The following ATP4B variants were observed in gnomAD, a reference collection of about 807,000 sequenced individuals.
The protein encoded by ATP4B is ATPase H+/K+ transporting subunit beta.
A neutral mutation model predicts 35.3 loss-of-function variants in ATP4B; 27 were observed. The ratio of observed to expected loss-of-function variants is 0.76; its 90% CI spans 0.56 to 1.05. The LOEUF is 1.05. Ranked by LOEUF, ATP4B falls within the 50% of genes least tolerant of loss-of-function variation. The pLI is 0.00. For synonymous variants in ATP4B, 162 were observed against 156.0 expected, an observed-to-expected ratio of 1.04 and a Z score of -0.29; for missense variants, 375 against 384.8, an observed-to-expected ratio of 0.97 and a Z score of 0.21.
At chr13:113,653,206 C>T (rs2049726683) in intron 3 of ATP4B, 115 bp downstream of exon 3, 4 of 1,391,362 alleles carry the variant, frequency 2.9e-6, no homozygotes, top group Admixed American at 4.0e-5. Context: ...AGCCGTTTCA[C>T]ACCTCACCTG....
rs760485986 is a variant in ATP4B at position 113,650,456 on chromosome 13, T to A, written c.664A>T (p.Asn222Tyr). ...AAGTAGTGCAGACTGAAGGTGCCGTTGGGAGGGTAGTACTTGACCTGCAGC... is the reference window on the plus strand; with the variant it reads ...AAGTAGTGCAGACTGAAGGTGCCGTAGGGAGGGTAGTACTTGACCTGCAGC... ...QPLQVKYYPPNGTFSLHYFPY... is the reference protein window; with the variant it reads ...QPLQVKYYPPYGTFSLHYFPY... The change falls in exon 6 of 7, where the codon AAC becomes TAC. Residue 222 changes from asparagine (N) to tyrosine (Y), a missense_variant. Transcript: ENST00000335288. This position sits in a 1 kb window ranked among gnomAD's most constrained non-coding sequence, Gnocchi z 5.0. The A allele has an allele frequency of 3.1e-6, 5 of 1,613,850 alleles. No individual in the cohort carries two copies. Among genetic ancestry groups the A allele is most frequent in the Non-Finnish European group, 4.2e-6 (5 of 1,179,914 alleles).
chr13:113,657,370 G>C (rs1180065655), intron 1 of ATP4B, among the ~76,000 whole-genome samples: 1 of 152,236 alleles, frequency 6.6e-6, no homozygotes, highest in African/African-American at 2.4e-5. Context: ...TAAGGGGTGA[G>C]GGCGTTTCCC....
Position 113,652,867 on chromosome 13 carries a change from A to G in ATP4B, c.555+6T>C, listed in dbSNP as rs1469890012. The G allele has an allele frequency of 1.2e-6, 2 of 1,613,762 alleles. No individual in the cohort carries two copies. Among genetic ancestry groups the G allele is most frequent in the Non-Finnish European group, 1.7e-6 (2 of 1,179,910 alleles). ...GTGGCGTGTGAAGGAGACCCTCAGTACTCACCCTGTTCATTTTAATAATAA... is the reference window on the plus strand; with the variant it reads ...GTGGCGTGTGAAGGAGACCCTCAGTGCTCACCCTGTTCATTTTAATAATAA... On this transcript the variant is annotated splice_donor_region_variant and intron_variant, in intron 4 of 6. Coordinates refer to ENST00000335288, the MANE Select transcript of ATP4B (RefSeq NM_000705.4).
Position 113,649,608 on chromosome 13 carries a change from A to G in ATP4B, c.715-73T>C, listed in dbSNP as rs2049696501. The G allele has an allele frequency of 7.0e-7, 1 of 1,427,038 alleles. No homozygotes were observed. Among genetic ancestry groups the G allele is most frequent in the Non-Finnish European group, 9.3e-7 (1 of 1,080,738 alleles). The allele number at this position is 1,427,038 out of a possible 1,614,324, so 88.4% of individuals were successfully genotyped here. A position where few individuals can be genotyped will look rare whatever the true frequency, so the allele number is the denominator to read the frequency against. On this transcript the variant is annotated intron_variant, in intron 6 of 6. Transcript: ENST00000335288. This position sits in a 1 kb window ranked among gnomAD's most constrained non-coding sequence, Gnocchi z 4.7. ...TTAAGGAGAGAAAACTAAGCAAGGA[A>G]GTGTCAACAGTCAGGTTGGTGCAGA...
intron 3 of ATP4B, 60 bp from the exon 4 acceptor site, chr13:113,653,132 C>T (rs573607268): frequency 1.6e-4 from 246 of 1,558,700 alleles, no homozygotes; most frequent in Admixed American, 4.7e-4. Flanking sequence ...TGGCTGCCCC[C>T]CGGGAAGGCC....
rs2049724835 is a variant in ATP4B at position 113,653,056 on chromosome 13, G to A, written c.372C>T (p.Ala124=). ...HAFLAGYSPA[A]QEDSINCTSE... ...AGGTGCAGTTGATGCTGTCCTCCTGGGCTGCTGGAGAGTAGCCTGCAGACG... is the reference window on the plus strand; with the variant it reads ...AGGTGCAGTTGATGCTGTCCTCCTGAGCTGCTGGAGAGTAGCCTGCAGACG... Residue 124 remains alanine (A), a synonymous_variant, in exon 4 of 7, where the codon GCC becomes GCT. Transcript: ENST00000335288. The A allele has an allele frequency of 6.2e-7, 1 of 1,610,802 alleles. No homozygotes were observed. Among genetic ancestry groups the A allele is most frequent in the Non-Finnish European group, 8.5e-7 (1 of 1,177,414 alleles).
chr13:113,657,703 G>T lies in ATP4B; in HGVS notation c.112+330C>A, dbSNP rs373168692. Among the ~76,000 whole-genome samples the T allele has an allele frequency of 2.0e-5, 3 of 152,238 alleles. No individual in the cohort carries two copies. The South Asian group carries it at 6.2e-4, about 32-fold the overall frequency. On this transcript the variant is annotated intron_variant, in intron 1 of 6. Transcript: ENST00000335288. ...AGGAATCACCGTTGCCACCTTTCAC[G>T]TTATTTTCAAAATGATTCACTTTAG...
rs1566689342 is a variant in ATP4B, at chr13:113,654,918, G to C, written c.137C>G (p.Ala46Gly). ...RWVWISLYYV[A>G]FYVVMTGLFA... is the part of the protein sequence containing the mutation. The stretch of plus-strand genomic sequence containing the variant: ...GAGCCCAGTCATCACCACGTAGAAG[G>C]CCACGTAGTACAGGCTGATCCACAC... The change falls in exon 2 of 7, where the codon GCC (alanine) becomes GGC (glycine). Residue 46 changes from alanine (A) to glycine (G), a missense_variant. Physicochemically the swap from Ala to Gly is moderately conservative, Grantham distance 60. Transcript: ENST00000335288. 4 of 1,614,198 alleles carry C rather than the reference G, an allele frequency of 2.5e-6. No homozygotes were observed. In the South Asian group the frequency reaches 3.3e-5, roughly 13 times the overall value.
At position 113,649,287 on chromosome 13, in the gene ATP4B, A is replaced by G; in HGVS notation, c.*87T>C. The G allele has an allele frequency of 2.7e-6, 4 of 1,465,228 alleles. No individual in the cohort carries two copies. The highest frequency in any genetic ancestry group is 3.7e-6 in the Non-Finnish European group (4 of 1,091,654). 90.8% of individuals were successfully genotyped at this position (1,465,228 alleles called of 1,614,324 possible). A position where few individuals can be genotyped will look rare whatever the true frequency, so the allele number is the denominator to read the frequency against. ...CAAACCACTTTGGGGATGATTTGGC[A>G]GGGAACTGACGGGCAAGGTAAGCCC... On this transcript the variant is annotated 3_prime_UTR_variant, in exon 7 of 7. Coordinates refer to ENST00000335288, the MANE Select transcript of ATP4B (RefSeq NM_000705.4). This position sits in a 1 kb window ranked among gnomAD's most constrained non-coding sequence, Gnocchi z 4.7.
At chr13:113,657,298 C>G (rs1368717444) in intron 1 of ATP4B, among the ~76,000 whole-genome samples, 2 of 152,224 alleles carry the variant, frequency 1.3e-5, no homozygotes, top group African/African-American at 4.8e-5. Flanking sequence ...CAGCCGCATC[C>G]CGACGCCCAG....
In ATP4B at chr13:113,649,659, G is replaced by T; in HGVS notation, c.715-124C>A. 2 of 1,140,994 alleles carry T rather than the reference G, an allele frequency of 1.8e-6. No homozygotes were observed. Among genetic ancestry groups the T allele is most frequent in the East Asian group, 3.0e-5 (1 of 33,778 alleles). 70.7% of individuals were successfully genotyped at this position (1,140,994 alleles called of 1,614,324 possible). A position where few individuals can be genotyped will look rare whatever the true frequency, so the allele number is the denominator to read the frequency against. ...GAAGCAGCTCTTTTGTGTAAGACTG[G>T]CCCTGACCGAGTGCATGCCCTGGAA... On this transcript the variant is annotated intron_variant, in intron 6 of 6. Transcript: ENST00000335288. The surrounding 1 kb of genome is among the most constrained non-coding windows in gnomAD (Gnocchi z 4.7).
At position 113,650,376 on chromosome 13, in the gene ATP4B, G is replaced by T. The variant is rs1440080995; in HGVS notation, c.714+30C>A. On this transcript the variant is annotated intron_variant, in intron 6 of 6. Transcript: ENST00000335288. This position sits in a 1 kb window ranked among gnomAD's most constrained non-coding sequence, Gnocchi z 5.0. ...AGTGTGAGAGGACTCAGCAGCTGTG[G>T]TGAGGGAAGCGTGGAAGGAAGGAAC... 1.3e-6 allele frequency: 2 copies of T among 1,591,268 alleles called. No homozygotes were observed. The highest frequency in any genetic ancestry group is 1.7e-6 in the Non-Finnish European group (2 of 1,159,564).
At chr13:113,653,211 C>G (rs1348621562) in intron 3 of ATP4B, 110 bp downstream of exon 3, 2 of 1,386,050 alleles carry the variant, frequency 1.4e-6, no homozygotes, top group Non-Finnish European at 2.0e-6. Flanking sequence ...TTTCACACCT[C>G]ACCTGCTGCT....
Position 113,649,053 on chromosome 13 carries a change from G to C in ATP4B, c.*321C>G, listed in dbSNP as rs577646030. ...TAGAAAAATAAATTATAGTAAGAAA[G>C]TGATGTCTACATAGAAGACGAATCG... On this transcript the variant is annotated 3_prime_UTR_variant, in exon 7 of 7. Transcript: ENST00000335288. This position sits in a 1 kb window ranked among gnomAD's most constrained non-coding sequence, Gnocchi z 4.7. 1.1e-5 allele frequency: 2 copies of C among 188,810 alleles called. No homozygotes were observed. Among genetic ancestry groups the C allele is most frequent in the African/African-American group, 4.7e-5 (2 of 42,264 alleles). The allele number at this position is 188,810 out of a possible 1,614,324, so 11.7% of individuals were successfully genotyped here.
intron 1 of ATP4B, among the ~76,000 whole-genome samples, chr13:113,657,474 C>T (rs975248142): frequency 6.6e-6 from 1 of 152,362 alleles, no homozygotes; most frequent in Admixed American, 6.5e-5. Flanking sequence ...CCAGGAGGGC[C>T]AGGCTGCCCG....
At position 113,653,377 on chromosome 13, in the gene ATP4B, A is replaced by G. The variant is rs188356364; in HGVS notation, c.299T>C (p.Val100Ala). The change falls in exon 3 of 7, where the codon GTC becomes GCC. Residue 100 changes from valine (V) to alanine (A), a missense_variant. By Grantham distance (64) the Val-to-Ala change is moderately conservative. Transcript: ENST00000335288. ...GTCTGCCCAGGTTCTGTTATCAGAG[A>G]CGTTGTAGACAATTTCCAGGCCTTT... ...GEKGLEIVYN[V>A]SDNRTWADLT... The G allele has an allele frequency of 3.1e-6, 5 of 1,614,196 alleles. No individual in the cohort carries two copies. The highest frequency in any genetic ancestry group is 3.3e-5 in the Admixed American group (2 of 60,022).
chr13:113,655,698 C>T (rs986006208), intron 1 of ATP4B, among the ~76,000 whole-genome samples: 6 of 152,148 alleles, frequency 3.9e-5, no homozygotes, highest in South Asian at 2.1e-4. Flanking sequence ...AGGAAGAGGA[C>T]GGTTTTGTGT....
rs1370274970 is a variant in ATP4B, at chr13:113,650,566, G to A, written c.613-59C>T. On this transcript the variant is annotated intron_variant, in intron 5 of 6. Coordinates refer to ENST00000335288, the MANE Select transcript of ATP4B (RefSeq NM_000705.4). This position sits in a 1 kb window ranked among gnomAD's most constrained non-coding sequence, Gnocchi z 5.0. Reference sequence around the variant, plus strand: ...GGAGCTGGTGTGTGCCGGTGTCTGTGTGTTGCGTTTGTGTGCGTGTGTGCA... The same window carrying A: ...GGAGCTGGTGTGTGCCGGTGTCTGTATGTTGCGTTTGTGTGCGTGTGTGCA... 9.0e-6 allele frequency: 13 copies of A among 1,436,690 alleles called. No homozygotes were observed. The East Asian group carries it at 1.1e-4, about 13-fold the overall frequency. 89.0% of individuals were successfully genotyped at this position (1,436,690 alleles called of 1,614,324 possible).
chr13:113,652,671 C>CT, intron 4 of ATP4B: 1 of 688,314 alleles, frequency 1.5e-6, no homozygotes, highest in South Asian at 1.5e-5. Context: ...GTGCTGGTGT[C>CT]TGACGAGTGG....
Sources: gnomAD v4.1 joint callset for allele counts (sites outside exome capture counted in the v4.1 genomes callset) on GRCh38, gnomAD v4.1.1 for gene constraint, Gnocchi (gnomAD v3.1) non-coding constraint, MANE v1.5 for transcripts, NCBI Gene and HGNC (gene_info 2026-07-23, HGNC 2026-07-21) for gene names.